ANAPC1: variants seen among roughly 807,000 people sequenced by gnomAD.
ANAPC1 encodes the protein anaphase-promoting complex subunit 1.
Under a neutral mutation model 208.0 loss-of-function variants are expected in ANAPC1, and 36 were observed. That is an observed-to-expected ratio of 0.17 (90% confidence interval 0.13 to 0.23). ANAPC1 has a LOEUF of 0.23. Ranked by LOEUF, ANAPC1 falls within the 10% of genes least tolerant of loss-of-function variation. The probability of loss-of-function intolerance (pLI) is 1.00; values close to 1 mark genes in which losing one functional copy is unlikely to be tolerated. For missense variants in ANAPC1, 942 were observed against 2,011.6 expected, an observed-to-expected ratio of 0.47 and a Z score of 10.17; for synonymous variants, 378 against 695.2, an observed-to-expected ratio of 0.54 and a Z score of 7.18.
At chr2:111,883,319 T>C (rs1281813934) in intron 1 of ANAPC1, among the ~76,000 whole-genome samples, 3 of 152,080 alleles carry the variant, frequency 2.0e-5, no homozygotes, top group Non-Finnish European at 4.4e-5. Context: ...ATAATGTTAT[T>C]TTCTTATAAC....
chr2:111,826,661 A>ATTTTTTT (rs35434299), intron 21 of ANAPC1, among the ~76,000 whole-genome samples: 1 of 115,026 alleles, frequency 8.7e-6, no homozygotes, highest in Non-Finnish European at 1.8e-5. Flanking sequence ...TTATTTATTT[A>ATTTTTTT]TTTATTTTTT....
chr2:111,882,455 C>T (rs1211124034), intron 1 of ANAPC1, among the ~76,000 whole-genome samples: 1 of 151,702 alleles, frequency 6.6e-6, no homozygotes, highest in East Asian at 2.0e-4. Context: ...CTTGGCCAGG[C>T]ACGATGGCTC....
chr2:111,825,286 A>G, intron 22 of ANAPC1, 119 bp from the exon 23 acceptor site: 2 of 1,405,044 alleles, frequency 1.4e-6, no homozygotes, highest in South Asian at 2.7e-5. Context: ...AAAAAAAATA[A>G]AATAAGCAAT....
In ANAPC1 at chr2:111,822,833, C is replaced by T. The variant is rs1342751511; in HGVS notation, c.2813-233G>A. ...TAGAAAAATATAAAGGACAAAAAGA[C>T]ATTTCCTAGAAGGGGAAACATAAAT... On this transcript the variant is annotated intron_variant, in intron 24 of 47. Transcript: ENST00000341068. 2.0e-5 allele frequency among the ~76,000 whole-genome samples: 3 copies of T among 150,698 alleles called. No individual in the cohort carries two copies. The East Asian group carries it at 5.9e-4, about 29-fold the overall frequency.
intron 21 of ANAPC1, among the ~76,000 whole-genome samples, chr2:111,826,954 A>G (rs1679871151): frequency 6.6e-6 from 1 of 152,142 alleles, no homozygotes; most frequent in Non-Finnish European, 1.5e-5. Flanking sequence ...CCTGGCCCCA[A>G]AGACATTCAC....
intron 27 of ANAPC1, among the ~76,000 whole-genome samples, chr2:111,817,562 A>AT (rs1271438979): frequency 1.3e-5 from 2 of 152,120 alleles, no homozygotes; most frequent in Admixed American, 1.3e-4. Flanking sequence ...AGGGCTCAGA[A>AT]TAAGCATGAT....
chr2:111,800,522 T>G (rs1573353228), intron 34 of ANAPC1, among the ~76,000 whole-genome samples: 1 of 118,954 alleles, frequency 8.4e-6, no homozygotes, highest in South Asian at 2.8e-4. Context: ...GGCAAACATA[T>G]TTAGTTTTTT....
At chr2:111,838,564 A>C (rs962500104) in intron 17 of ANAPC1, 52 bp from the exon 18 acceptor site, 13 of 1,430,108 alleles carry the variant, frequency 9.1e-6, no homozygotes, top group Non-Finnish European at 1.2e-5. Flanking sequence ...CATTCCTGTC[A>C]ACTGATCAAC....
chr2:111,868,222 A>G (rs1362020057), intron 6 of ANAPC1, 126 bp from the exon 7 acceptor site: 2 of 553,098 alleles, frequency 3.6e-6, no homozygotes, highest in Admixed American at 7.3e-5. Context: ...TCAAAATGCA[A>G]TCTTCTAAAC....
rs182414628 is a variant in ANAPC1, at chr2:111,816,775, C to T, written c.3326-1134G>A. Among the ~76,000 whole-genome samples the T allele has an allele frequency of 7.3e-5, 10 of 137,746 alleles. 2 individuals carry two copies. The highest frequency in any genetic ancestry group is 2.5e-4 in the African/African-American group (9 of 36,560). The allele number at this position is 137,746 out of a possible 152,430, so 90.4% of individuals were successfully genotyped here. On this transcript the variant is annotated intron_variant, in intron 27 of 47. Transcript: ENST00000341068. The stretch of plus-strand genomic sequence containing the variant: ...ATGTAAAATAAATTTTAAGTAGATG[C>T]AGTGTCTTATTTGTAGCATGTACAC...
chr2:111,841,686 G>C (rs1473293496), intron 17 of ANAPC1, among the ~76,000 whole-genome samples: 4 of 152,136 alleles, frequency 2.6e-5, no homozygotes, highest in Non-Finnish European at 4.4e-5. Context: ...AGTGACATGG[G>C]AAGTCACTGG....
At position 111,825,136 on chromosome 2, in the gene ANAPC1, T is replaced by C. The variant is rs141439178; in HGVS notation, c.2736A>G (p.Glu912=). The change falls in exon 23 of 48, where the codon GAA becomes GAG. Residue 912 remains glutamate, a synonymous_variant. Transcript: ENST00000341068. ...APQKLQVEQE[E]NRFSFRHSTS... is the part of the protein sequence containing the mutation. ...ACAGTCTAAATAAAAGTCACCTGTT[T>C]TCCTCTTGTTCTACTTGCAACTTCT... 3.2e-3 allele frequency: 5,120 copies of C among 1,613,898 alleles called. 10 individuals are homozygous for C. The highest frequency in any genetic ancestry group is 4.1e-3 in the Non-Finnish European group (4,809 of 1,179,842).
At chr2:111,777,170 G>A in intron 45 of ANAPC1, 113 bp from the exon 46 acceptor site, 1 of 640,460 alleles carries the variant, frequency 1.6e-6, no homozygotes, top group Non-Finnish European at 2.8e-6. Flanking sequence ...AAGGGTCGGG[G>A]GGTGGTCCAT....
At chr2:111,801,108 G>A (rs567860103) in intron 33 of ANAPC1, among the ~76,000 whole-genome samples, 1 of 152,158 alleles carries the variant, frequency 6.6e-6, no homozygotes, top group South Asian at 2.1e-4. Context: ...TATAATCCCA[G>A]CACTTTGGGA....
chr2:111,791,987 A>G (rs1271975507), intron 38 of ANAPC1, among the ~76,000 whole-genome samples: 1 of 151,566 alleles, frequency 6.6e-6, no homozygotes, highest in African/African-American at 2.4e-5. Context: ...AAGATCAAGA[A>G]AGCTGAAAAC....
In ANAPC1 at chr2:111,792,555, T is replaced by C; in HGVS notation, c.4519A>G (p.Thr1507Ala). Residue 1507 changes from threonine to alanine, a missense_variant and splice_region_variant, in exon 38 of 48, where the codon ACA becomes GCA. Thr to Ala is a moderately conservative substitution (Grantham distance 58). Coordinates refer to ENST00000341068, the MANE Select transcript of ANAPC1 (RefSeq NM_022662.4). ...TYLSAPNASV[T>A]GPHNLETCLS... ...CAAGTTTCTAGGTTATGAGGACCTG[T>C]CTGTCAGGTGAAGAGATGACATCAC... 1.2e-6 allele frequency: 2 copies of C among 1,612,088 alleles called. No homozygotes were observed.
intron 47 of ANAPC1, among the ~76,000 whole-genome samples, chr2:111,769,635 AT>A: frequency 7.0e-6 from 1 of 142,428 alleles, no homozygotes; most frequent in Non-Finnish European, 1.5e-5. Context: ...TGGATTCTGG[AT>A]TTTTTTAGAT....
chr2:111,826,076 C>T (rs1343484025), intron 21 of ANAPC1, among the ~76,000 whole-genome samples: 4 of 152,116 alleles, frequency 2.6e-5, no homozygotes, highest in Non-Finnish European at 5.9e-5. Flanking sequence ...TTTGTAAAGA[C>T]GGAGTCTCGC....
intron 18 of ANAPC1, among the ~76,000 whole-genome samples, chr2:111,835,543 A>G (rs1457669024): frequency 1.3e-5 from 2 of 152,226 alleles, no homozygotes; most frequent in Non-Finnish European, 2.9e-5. Context: ...AACTAACCAT[A>G]AAAGAAAAAA....
Sources: gnomAD v4.1 joint callset for allele counts (sites outside exome capture counted in the v4.1 genomes callset) on GRCh38, gnomAD v4.1.1 for gene constraint, MANE v1.5 for transcripts, NCBI Gene and HGNC (gene_info 2026-07-23, HGNC 2026-07-21) for gene names.